Variants in ARHGAP42 observed in about 807,000 individuals in gnomAD.
ARHGAP42 encodes the protein rho GTPase-activating protein 42.
A neutral mutation model predicts 125.0 loss-of-function variants in ARHGAP42; 63 were observed. The observed-to-expected ratio is 0.50, with a 90% confidence interval of 0.41 to 0.62. ARHGAP42 has a LOEUF of 0.62. ARHGAP42 is among the 20% of genes least tolerant of loss of function. The probability of loss-of-function intolerance (pLI) is 0.00; values close to 1 mark genes in which losing one functional copy is unlikely to be tolerated. For missense variants in ARHGAP42, 766 were observed against 1,024.2 expected (o/e 0.75, Z 3.44); for synonymous variants, 339 against 351.0 (o/e 0.97, Z 0.38).
intron 3 of ARHGAP42, among the ~76,000 whole-genome samples, chr11:100,843,004 A>T (rs1216702273): frequency 6.6e-6 from 1 of 152,272 alleles, no homozygotes; most frequent in East Asian, 1.9e-4. Context: ...AAAAAGAAAT[A>T]CAAAAGATAA....
At chr11:100,818,400 T>C (rs1364033456) in intron 3 of ARHGAP42, among the ~76,000 whole-genome samples, 1 of 152,086 alleles carries the variant, frequency 6.6e-6, no homozygotes, top group Non-Finnish European at 1.5e-5. Context: ...TGATGGGTGC[T>C]AGAAGAGGCA....
chr11:100,718,228 A>C (rs1861699337), intron 1 of ARHGAP42, among the ~76,000 whole-genome samples: 1 of 152,180 alleles, frequency 6.6e-6, no homozygotes, highest in Non-Finnish European at 1.5e-5. Flanking sequence ...GGCATGAGAC[A>C]CATTTTATAG....
chr11:100,786,376 G>A (rs1863434609), intron 2 of ARHGAP42, among the ~76,000 whole-genome samples: 1 of 152,202 alleles, frequency 6.6e-6, no homozygotes, highest in Non-Finnish European at 1.5e-5. Flanking sequence ...TTCATTTGAA[G>A]TAATAAGATA....
At chr11:100,867,338 C>G (rs1865593329) in intron 4 of ARHGAP42, among the ~76,000 whole-genome samples, 1 of 152,204 alleles carries the variant, frequency 6.6e-6, no homozygotes, top group African/African-American at 2.4e-5. Flanking sequence ...CATTGACAAT[C>G]TGTTGTTTGG....
At chr11:100,829,771 A>G (rs1864622484) in intron 3 of ARHGAP42, among the ~76,000 whole-genome samples, 1 of 152,210 alleles carries the variant, frequency 6.6e-6, no homozygotes. Context: ...AATTGTTTCT[A>G]AAATCTTCTA....
chr11:100,879,146 ACTTCAAG>A (rs1749639718), intron 4 of ARHGAP42, among the ~76,000 whole-genome samples: 1 of 152,174 alleles, frequency 6.6e-6, no homozygotes, highest in Non-Finnish European at 1.5e-5. Flanking sequence ...CTTTGGTCCC[ACTTCAAG>A]CTTGTCAAAT....
intron 11 of ARHGAP42, among the ~76,000 whole-genome samples, chr11:100,949,143 A>G (rs1868104156): frequency 6.6e-6 from 1 of 152,066 alleles, no homozygotes; most frequent in African/African-American, 2.4e-5. Flanking sequence ...GTGAACACAC[A>G]GAGGAAATAA....
At chr11:100,924,777 A>G (rs1347120157) in intron 6 of ARHGAP42, among the ~76,000 whole-genome samples, 1 of 152,060 alleles carries the variant, frequency 6.6e-6, no homozygotes, top group African/African-American at 2.4e-5. Context: ...ATTATTTATA[A>G]ATAAGCTACG....
chr11:100,805,477 C>T (rs1367078766), intron 3 of ARHGAP42, among the ~76,000 whole-genome samples: 1 of 151,980 alleles, frequency 6.6e-6, no homozygotes, highest in Admixed American at 6.6e-5. Flanking sequence ...AAAGGGATCC[C>T]GATCCAAATC....
chr11:100,811,499 C>CTTT (rs202012798), intron 3 of ARHGAP42, among the ~76,000 whole-genome samples: 5 of 98,084 alleles, frequency 5.1e-5, no homozygotes, highest in African/African-American at 4.1e-5. Context: ...AATGTCTTGA[C>CTTT]TTTCTTTTTT....
intron 1 of ARHGAP42, among the ~76,000 whole-genome samples, chr11:100,714,189 G>T (rs1442913500): frequency 6.6e-6 from 1 of 152,210 alleles, no homozygotes; most frequent in East Asian, 1.9e-4. Flanking sequence ...GCTTTTATAT[G>T]ATCTAAAGAC....
intron 17 of ARHGAP42, among the ~76,000 whole-genome samples, chr11:100,969,588 T>C (rs1207398374): frequency 1.3e-5 from 2 of 152,180 alleles, no homozygotes; most frequent in African/African-American, 4.8e-5. Flanking sequence ...TCTCTATTGA[T>C]ACTTTTCATT....
intron 7 of ARHGAP42, among the ~76,000 whole-genome samples, 164 bp from the exon 8 acceptor site, chr11:100,936,039 C>T: frequency 6.6e-6 from 1 of 152,086 alleles, no homozygotes; most frequent in Non-Finnish European, 1.5e-5. Context: ...AGGAGGATCA[C>T]TTGTGCCCTG....
At chr11:100,752,358 T>G (rs1338933400) in intron 1 of ARHGAP42, among the ~76,000 whole-genome samples, 1 of 152,176 alleles carries the variant, frequency 6.6e-6, no homozygotes, top group Non-Finnish European at 1.5e-5. Flanking sequence ...GGGGTATTGT[T>G]GCAGACTATC....
At chr11:100,931,242 G>A (rs1867574191) in intron 6 of ARHGAP42, among the ~76,000 whole-genome samples, 1 of 152,144 alleles carries the variant, frequency 6.6e-6, no homozygotes, top group South Asian at 2.1e-4. Flanking sequence ...TGGATTTCAT[G>A]TTTTCAGATT....
At chr11:100,820,219 T>C (rs1032196389) in intron 3 of ARHGAP42, among the ~76,000 whole-genome samples, 3 of 152,164 alleles carry the variant, frequency 2.0e-5, no homozygotes, top group Non-Finnish European at 4.4e-5. Flanking sequence ...TGTACTTCTG[T>C]TTGAAGACTA....
At chr11:100,763,551 G>A (rs1343274089) in intron 1 of ARHGAP42, among the ~76,000 whole-genome samples, 1 of 152,066 alleles carries the variant, frequency 6.6e-6, no homozygotes, top group Admixed American at 6.5e-5. Context: ...GCAGTGGCAT[G>A]ATCTTGACTG....
intron 4 of ARHGAP42, among the ~76,000 whole-genome samples, chr11:100,875,560 C>A (rs926350418): frequency 6.6e-6 from 1 of 152,150 alleles, no homozygotes; most frequent in African/African-American, 2.4e-5. Context: ...CAGCCCTCAG[C>A]CACTCTCGGC....
chr11:100,771,348 G>T (rs1862973034), intron 2 of ARHGAP42, among the ~76,000 whole-genome samples: 1 of 152,066 alleles, frequency 6.6e-6, no homozygotes, highest in African/African-American at 2.4e-5. Context: ...TTGTTTGAAG[G>T]TCTGATTCTT....
Sources: allele counts gnomAD v4.1 joint callset (sites outside exome capture counted in the v4.1 genomes callset), GRCh38; gene constraint gnomAD v4.1.1; transcripts MANE v1.5; gene names NCBI Gene and HGNC (gene_info 2026-07-23, HGNC 2026-07-21).